The following NPAS3 variants were observed in gnomAD, a reference collection of about 807,000 sequenced individuals.
The protein encoded by NPAS3 is neuronal PAS domain-containing protein 3.
NPAS3 carries 14 observed loss-of-function variants against 73.1 expected under a neutral mutation model. The observed-to-expected ratio is 0.19, with a 90% CI of 0.13 to 0.30. The LOEUF (loss-of-function observed/expected upper bound fraction) is 0.30, where lower values mean the gene tolerates loss of function less well. Ranked by LOEUF, NPAS3 falls within the 10% of genes least tolerant of loss-of-function variation. The pLI, the probability that NPAS3 is intolerant of heterozygous loss-of-function variation, is 1.00. For missense variants in NPAS3, 1,096 were observed against 1,250.0 expected (o/e 0.88, Z 1.86); for synonymous variants, 620 against 541.5 (o/e 1.14, Z -2.01).
Position 32,967,894 on chromosome 14 carries a change from A to G in NPAS3, c.50+28528A>G, listed in dbSNP as rs570095572. Among the ~76,000 whole-genome samples, 102 of 136,592 alleles carry G rather than the reference A, an allele frequency of 7.5e-4. 1 individual carries two copies. Among genetic ancestry groups the G allele is most frequent in the African/African-American group, 2.6e-3 (94 of 36,248 alleles). The allele number at this position is 136,592 out of a possible 152,430, so 89.6% of individuals were successfully genotyped here. A position where few individuals can be genotyped will look rare whatever the true frequency, so the allele number is the denominator to read the frequency against. The stretch of plus-strand genomic sequence containing the variant: ...GGAGATATCATTGTGTATCATTGCA[A>G]TAGTATTACATTGTGAGAGTGTGTG... On this transcript the variant is annotated intron_variant, in intron 1 of 11. Coordinates refer to ENST00000356141, the Ensembl canonical transcript of NPAS3.
chr14:33,487,716 T>A (rs892171120), intron 4 of NPAS3, among the ~76,000 whole-genome samples: 3 of 152,206 alleles, frequency 2.0e-5, no homozygotes, highest in Non-Finnish European at 4.4e-5. Flanking sequence ...AGTAAGCTTT[T>A]CGTGGAAAAT....
At chr14:32,954,741 C>T (rs574232469) in intron 1 of NPAS3, among the ~76,000 whole-genome samples, 1 of 152,242 alleles carries the variant, frequency 6.6e-6, no homozygotes, top group Admixed American at 6.5e-5. Context: ...AGCATTTTTG[C>T]ACTCTCAAAT....
chr14:33,542,384 C>A (rs1249088809), intron 4 of NPAS3, among the ~76,000 whole-genome samples: 3 of 152,166 alleles, frequency 2.0e-5, no homozygotes, highest in Non-Finnish European at 2.9e-5. Context: ...GTTATCCACA[C>A]GTCATCTGCC....
chr14:32,971,788 C>T (rs375797193), intron 1 of NPAS3, among the ~76,000 whole-genome samples: 85 of 152,202 alleles, frequency 5.6e-4, no homozygotes, highest in African/African-American at 1.8e-3. Context: ...GGTCTCCAAA[C>T]GGTTTATTAC....
chr14:33,725,229 G>A (rs138913299), intron 6 of NPAS3, among the ~76,000 whole-genome samples: 3 of 151,998 alleles, frequency 2.0e-5, no homozygotes, highest in African/African-American at 2.4e-5. Flanking sequence ...AAACCTGCAC[G>A]TTGGGCACAT....
At chr14:33,245,307 A>G (rs1359140361) in intron 3 of NPAS3, among the ~76,000 whole-genome samples, 2 of 152,206 alleles carry the variant, frequency 1.3e-5, no homozygotes, top group Non-Finnish European at 2.9e-5. Flanking sequence ...GCCAGGTTCT[A>G]TTAAGTGCAC....
At chr14:33,036,472 T>G (rs943365828) in intron 1 of NPAS3, among the ~76,000 whole-genome samples, 3 of 151,832 alleles carry the variant, frequency 2.0e-5, no homozygotes, top group African/African-American at 7.3e-5. Flanking sequence ...CTAAAGATAG[T>G]AGAAAGAAAA....
At chr14:33,736,564 CCTGCCTTG>C (rs1273010835) in intron 7 of NPAS3, among the ~76,000 whole-genome samples, 3 of 152,090 alleles carry the variant, frequency 2.0e-5, no homozygotes. Context: ...TTTCTATTGC[CCTGCCTTG>C]CTGCATTCAT....
chr14:33,219,150 A>G lies in NPAS3; in HGVS notation c.385+3724A>G, dbSNP rs182311467. On this transcript the variant is annotated intron_variant, in intron 3 of 11. Transcript: ENST00000356141. ...AATAACTGATGATTGTAACCTTTAA[A>G]GAAATCTCATTGTGGTGACTGTTGG... 5.9e-5 allele frequency among the ~76,000 whole-genome samples: 9 copies of G among 152,334 alleles called. No individual in the cohort carries two copies. The East Asian group carries it at 1.7e-3, about 29-fold the overall frequency.
At chr14:33,032,872 A>G (rs1348225833) in intron 1 of NPAS3, among the ~76,000 whole-genome samples, 1 of 152,192 alleles carries the variant, frequency 6.6e-6, no homozygotes, top group African/African-American at 2.4e-5. Flanking sequence ...CGAAGTCCCA[A>G]TTTGATCTTG....
intron 5 of NPAS3, among the ~76,000 whole-genome samples, chr14:33,619,011 A>G (rs1386887231): frequency 6.6e-6 from 1 of 152,202 alleles, no homozygotes; most frequent in Non-Finnish European, 1.5e-5. Context: ...AAAATTAAGT[A>G]GTATCTGAAA....
intron 5 of NPAS3, among the ~76,000 whole-genome samples, chr14:33,658,874 C>A (rs183340325): frequency 6.6e-6 from 1 of 152,094 alleles, no homozygotes. Flanking sequence ...CTATGCCGTA[C>A]GTTTGATTCT....
At chr14:33,021,600 C>G (rs2039598586) in intron 1 of NPAS3, among the ~76,000 whole-genome samples, 1 of 152,078 alleles carries the variant, frequency 6.6e-6, no homozygotes, top group East Asian at 1.9e-4. Flanking sequence ...CCTTGCCCCT[C>G]TAAACTTCCT....
intron 4 of NPAS3, among the ~76,000 whole-genome samples, chr14:33,504,371 G>A (rs925734510): frequency 5.3e-5 from 8 of 151,882 alleles, no homozygotes; most frequent in East Asian, 1.9e-4. Context: ...TATGTAATGC[G>A]TTTACAAAAC....
chr14:32,986,331 T>C (rs897379123), intron 1 of NPAS3, among the ~76,000 whole-genome samples: 3 of 152,198 alleles, frequency 2.0e-5, no homozygotes, highest in Admixed American at 2.0e-4. Flanking sequence ...AAGGGAAGTA[T>C]AGTCTCTTTA....
intron 7 of NPAS3, among the ~76,000 whole-genome samples, chr14:33,763,791 T>A (rs148445631): frequency 6.6e-6 from 1 of 152,124 alleles, no homozygotes; most frequent in African/African-American, 2.4e-5. Context: ...TGGGAATTGA[T>A]CATTTTTAGG....
At chr14:33,781,045 A>C (rs939996446) in intron 9 of NPAS3, among the ~76,000 whole-genome samples, 1 of 152,236 alleles carries the variant, frequency 6.6e-6, no homozygotes, top group Non-Finnish European at 1.5e-5. Context: ...AATTCTGCAT[A>C]GTAAAATACA....
chr14:33,800,529 C>G lies in NPAS3; in HGVS notation c.2222C>G (p.Pro741Arg). The G allele has an allele frequency of 1.4e-6, 2 of 1,380,962 alleles. No individual in the cohort carries two copies. Among genetic ancestry groups the G allele is most frequent in the South Asian group, 1.7e-5 (1 of 58,014 alleles). 85.5% of individuals were successfully genotyped at this position (1,380,962 alleles called of 1,614,324 possible). A position where few individuals can be genotyped will look rare whatever the true frequency, so the allele number is the denominator to read the frequency against. The stretch of plus-strand genomic sequence containing the variant: ...GCCTCGGCCACCGCGGCCCTGGCCC[C>G]CGTCGCCTCCGACCCGCTGTCACCC... Residue 741 changes from proline to arginine, a missense_variant, in exon 12 of 12, where the codon CCC becomes CGC. By Grantham distance (103) the Pro-to-Arg change is moderately radical. This residue lies in a region of NPAS3 where 698 missense variants were observed against 676.7 expected (regional missense o/e 1.03). Coordinates refer to ENST00000356141, the Ensembl canonical transcript of NPAS3. This position sits in a 1 kb window ranked among gnomAD's most constrained non-coding sequence, Gnocchi z 6.5.
chr14:33,045,266 G>A lies in NPAS3; in HGVS notation c.51-10639G>A, dbSNP rs555787402. Among the ~76,000 whole-genome samples the A allele has an allele frequency of 3.5e-4, 53 of 152,272 alleles. No homozygotes were observed. The South Asian group carries it at 8.7e-3, about 25-fold the overall frequency. ...AGATGTCATCCTGAACTAGGAAAAG[G>A]AGTTGGAAAGTTGCCTATTTTCCAT... On this transcript the variant is annotated intron_variant, in intron 1 of 11. Transcript: ENST00000356141.
Sources: allele counts gnomAD v4.1 joint callset (sites outside exome capture counted in the v4.1 genomes callset), GRCh38; gene constraint gnomAD v4.1.1; regional missense constraint gnomAD v4.1.1; non-coding constraint Gnocchi (gnomAD v3.1); transcripts MANE v1.5; gene names NCBI Gene and HGNC (gene_info 2026-07-23, HGNC 2026-07-21).